RNF146: variants seen among roughly 807,000 people sequenced by gnomAD.
RNF146 encodes E3 ubiquitin-protein ligase RNF146.
Under a neutral mutation model 29.7 loss-of-function variants are expected in RNF146, and 11 were observed. That is an observed-to-expected ratio of 0.37 (90% CI 0.23 to 0.61). RNF146 has a LOEUF of 0.61. RNF146 is among the 20% of genes least tolerant of loss of function. The pLI, the probability that RNF146 is intolerant of heterozygous loss-of-function variation, is 0.66. For missense variants in RNF146, 342 were observed against 438.9 expected (o/e 0.78, Z 1.97); for synonymous variants, 150 against 159.7 (o/e 0.94, Z 0.46).
chr6:127,267,314 A>T (rs187182580), intron 1 of RNF146, among the ~76,000 whole-genome samples: 1 of 152,236 alleles, frequency 6.6e-6, no homozygotes, highest in Admixed American at 6.5e-5. Flanking sequence ...AGCGGCCATT[A>T]CTGCGCAGCC....
rs375127191 is a variant in RNF146 at position 127,286,624 on chromosome 6, G to C, written c.11G>C (p.Gly4Ala). ...TATGTATTTTTTCTTAGGATGGCTG[G>C]CTGTGGTGAAATTGATCATTCAATA... MMA[G>A]CGEIDHSINM... is the part of the protein sequence containing the mutation. Residue 4 changes from glycine (G) to alanine (A), a missense_variant, in exon 3 of 3, where the codon GGC becomes GCC. By Grantham distance (60) the Gly-to-Ala change is moderately conservative. Transcript: ENST00000368314. The surrounding 1 kb of genome is among the most constrained non-coding windows in gnomAD (Gnocchi z 4.6). 1.2e-6 allele frequency: 2 copies of C among 1,606,056 alleles called. No homozygotes were observed. Among genetic ancestry groups the C allele is most frequent in the Admixed American group, 3.4e-5 (2 of 58,806 alleles).
Position 127,287,358 on chromosome 6 carries a change from C to T in RNF146, c.745C>T (p.His249Tyr). The T allele has an allele frequency of 1.2e-6, 2 of 1,613,414 alleles. No individual in the cohort carries two copies. The highest frequency in any genetic ancestry group is 1.1e-5 in the South Asian group (1 of 91,066). ...ASTSLEDSFA[H>Y]LQLSGDNTAE... ...CACTTCTCTGGAAGACTCTTTTGCT[C>T]ATTTACAACTCAGTGGAGACAACAC... is the stretch of plus-strand genomic sequence containing the variant. Residue 249 changes from histidine to tyrosine, a missense_variant, in exon 3 of 3, where the codon CAT (histidine) becomes TAT (tyrosine). Transcript: ENST00000368314.
At chr6:127,278,748 C>G (rs1315123755) in intron 1 of RNF146, among the ~76,000 whole-genome samples, 1 of 152,028 alleles carries the variant, frequency 6.6e-6, no homozygotes, top group South Asian at 2.1e-4. Flanking sequence ...AGCAGCTACA[C>G]CCTTTTACCT....
At chr6:127,279,241 T>G (rs1373475873) in intron 1 of RNF146, among the ~76,000 whole-genome samples, 1 of 151,916 alleles carries the variant, frequency 6.6e-6, no homozygotes, top group Non-Finnish European at 1.5e-5. Context: ...ATTAAGAGTT[T>G]TATGGTTTTA....
chr6:127,286,992 G>T lies in RNF146; in HGVS notation c.379G>T (p.Asp127Tyr). The T allele has an allele frequency of 6.2e-7, 1 of 1,613,424 alleles. No homozygotes were observed. Among genetic ancestry groups the T allele is most frequent in the Non-Finnish European group, 8.5e-7 (1 of 1,179,632 alleles). ...YDERTSRELE[D>Y]AFSKGKKNTE... is the part of the protein sequence containing the mutation. Reference sequence around the variant, plus strand: ...TGAGCGCACTAGTAGAGAGCTGGAAGATGCTTTTTCCAAAGGTAAAAAGAA... The same window carrying T: ...TGAGCGCACTAGTAGAGAGCTGGAATATGCTTTTTCCAAAGGTAAAAAGAA... The change falls in exon 3 of 3, where the codon GAT becomes TAT. Residue 127 changes from aspartate to tyrosine, a missense_variant. Coordinates refer to ENST00000368314, the MANE Select transcript of RNF146 (RefSeq NM_001242850.2). The surrounding 1 kb of genome is among the most constrained non-coding windows in gnomAD (Gnocchi z 4.6).
At chr6:127,285,297 G>T (rs544820184) in intron 2 of RNF146, 1 of 985,024 alleles carries the variant, frequency 1.0e-6, no homozygotes, top group East Asian at 1.1e-4. Flanking sequence ...TTTGAAGATT[G>T]AATGTGCTGT....
chr6:127,285,925 CT>C, intron 2 of RNF146: 1 of 611,008 alleles, frequency 1.6e-6, no homozygotes, highest in Non-Finnish European at 2.3e-6. Flanking sequence ...AGTATTGTAT[CT>C]GGAACATGGC....
chr6:127,276,776 TG>T (rs1395937033), intron 1 of RNF146, among the ~76,000 whole-genome samples: 1 of 152,012 alleles, frequency 6.6e-6, no homozygotes, highest in Non-Finnish European at 1.5e-5. Context: ...TTATAATATT[TG>T]GTTGCTGGAG....
intron 1 of RNF146, 119 bp from the exon 2 acceptor site, chr6:127,280,112 T>C: frequency 1.9e-6 from 1 of 527,774 alleles, no homozygotes; most frequent in Non-Finnish European, 3.4e-6. Context: ...GGTAAAAGCA[T>C]GCATCTTGTC....
chr6:127,284,654 A>G (rs771043881), intron 2 of RNF146, among the ~76,000 whole-genome samples: 2 of 151,944 alleles, frequency 1.3e-5, no homozygotes, highest in Non-Finnish European at 2.9e-5. Flanking sequence ...TTAAAAACAT[A>G]TGCCTTCTTT....
intron 2 of RNF146, among the ~76,000 whole-genome samples, chr6:127,281,266 A>G (rs1415623299): frequency 2.0e-5 from 3 of 151,748 alleles, no homozygotes; most frequent in African/African-American, 7.2e-5. Context: ...CTTTAAAAAT[A>G]TATATTTTAT....
chr6:127,285,909 G>A, intron 2 of RNF146: 1 of 486,094 alleles, frequency 2.1e-6, no homozygotes, highest in African/African-American at 2.0e-5. Context: ...AGACCCATCA[G>A]TACTTAGTAT....
At chr6:127,285,907 C>G (rs1299905296) in intron 2 of RNF146, 2 of 473,392 alleles carry the variant, frequency 4.2e-6, no homozygotes, top group African/African-American at 4.0e-5. Flanking sequence ...TTAGACCCAT[C>G]AGTACTTAGT....
intron 2 of RNF146, among the ~76,000 whole-genome samples, chr6:127,283,078 C>T (rs767421986): frequency 4.0e-5 from 6 of 151,750 alleles, no homozygotes; most frequent in Non-Finnish European, 8.8e-5. Flanking sequence ...GAGATTTCCA[C>T]TAACTCTGCC....
intron 1 of RNF146, among the ~76,000 whole-genome samples, chr6:127,270,809 TCTTC>T (rs1777366149): frequency 6.6e-6 from 1 of 151,872 alleles, no homozygotes; most frequent in Admixed American, 6.6e-5. Context: ...AACATATTTT[TCTTC>T]CTTATGATTT....
At chr6:127,271,808 TTCTTTC>T (rs1272444030) in intron 1 of RNF146, among the ~76,000 whole-genome samples, 2 of 152,222 alleles carry the variant, frequency 1.3e-5, no homozygotes, top group African/African-American at 2.4e-5. Flanking sequence ...TTTTACCTGT[TTCTTTC>T]TATTATTATT....
At chr6:127,269,785 T>C (rs1410498144) in intron 1 of RNF146, among the ~76,000 whole-genome samples, 2 of 152,176 alleles carry the variant, frequency 1.3e-5, no homozygotes, top group Non-Finnish European at 2.9e-5. Context: ...ATCTACTCCT[T>C]TTATGTATAT....
chr6:127,276,833 G>A (rs1241464758), intron 1 of RNF146, among the ~76,000 whole-genome samples: 1 of 152,074 alleles, frequency 6.6e-6, no homozygotes, highest in Non-Finnish European at 1.5e-5. Context: ...ACTGAAAATT[G>A]AGGATGGTGT....
Position 127,280,391 on chromosome 6 carries a change from T to C in RNF146, c.2+51T>C. 2.0e-6 allele frequency: 3 copies of C among 1,534,280 alleles called. No homozygotes were observed. In the South Asian group the frequency reaches 3.6e-5, roughly 18 times the overall value. On this transcript the variant is annotated intron_variant, in intron 2 of 2. Coordinates refer to ENST00000368314, the MANE Select transcript of RNF146 (RefSeq NM_001242850.2). ...CAGTGCTGCAGTAAATTAAATGGAT[T>C]GGTTTAACGTGTGGTAAATTGAGTA...
Sources: allele counts gnomAD v4.1 joint callset (sites outside exome capture counted in the v4.1 genomes callset), GRCh38; gene constraint gnomAD v4.1.1; non-coding constraint Gnocchi (gnomAD v3.1); transcripts MANE v1.5; gene names NCBI Gene and HGNC (gene_info 2026-07-23, HGNC 2026-07-21).